TRMT11: variants seen among roughly 807,000 people sequenced by gnomAD.
TRMT11 encodes the protein tRNA methyltransferase 11, also known as tRNA (guanine(10)-N(2))-methyltransferase TRMT11.
TRMT11 carries 53 observed loss-of-function variants against 62.8 expected under a neutral mutation model. That is an observed-to-expected ratio of 0.84 (90% CI 0.68 to 1.06). The LOEUF (loss-of-function observed/expected upper bound fraction) is 1.06, where lower values mean the gene tolerates loss of function less well. TRMT11 is among the 50% of genes least tolerant of loss of function. The pLI is 0.00. For missense variants in TRMT11, 556 were observed against 553.4 expected (o/e 1.00, Z -0.05); for synonymous variants, 188 against 190.3 (o/e 0.99, Z 0.10).
chr6:126,267,755 G>GTGC, the TRMT11 span, among the ~76,000 whole-genome samples: 1 of 152,120 alleles, frequency 6.6e-6, no homozygotes, highest in Non-Finnish European at 1.5e-5. Context: ...ATATTTCAAG[G>GTGC]TGCTTTGCTA....
chr6:126,069,361 C>T (rs1323544780), intron 17 of TRMT11, among the ~76,000 whole-genome samples: 1 of 152,214 alleles, frequency 6.6e-6, no homozygotes, highest in Non-Finnish European at 1.5e-5. Context: ...ATTGACTGTG[C>T]CCTGCATTAT....
intron 17 of TRMT11, among the ~76,000 whole-genome samples, chr6:126,101,473 G>C (rs980608761): frequency 1.3e-5 from 2 of 152,146 alleles, no homozygotes; most frequent in African/African-American, 2.4e-5. Context: ...TTTTATAGAT[G>C]ATGAAACCAA....
intron 12 of TRMT11, among the ~76,000 whole-genome samples, chr6:126,034,554 G>A (rs545557995): frequency 1.7e-4 from 26 of 152,078 alleles, no homozygotes; most frequent in South Asian, 6.2e-4. Context: ...TATTCATATC[G>A]TCTTAATTAC....
At chr6:126,270,686 G>T in the TRMT11 span, among the ~76,000 whole-genome samples, 1 of 152,210 alleles carries the variant, frequency 6.6e-6, no homozygotes, top group African/African-American at 2.4e-5. Context: ...AATACATTTT[G>T]CAAAATGTTA....
intron 17 of TRMT11, among the ~76,000 whole-genome samples, chr6:126,104,105 A>T (rs1437381999): frequency 6.6e-6 from 1 of 152,240 alleles, no homozygotes; most frequent in Non-Finnish European, 1.5e-5. Flanking sequence ...ACTACTAAAT[A>T]ATCACCATCA....
chr6:126,236,710 G>A, the TRMT11 span, among the ~76,000 whole-genome samples: 1 of 151,922 alleles, frequency 6.6e-6, no homozygotes, highest in Non-Finnish European at 1.5e-5. Context: ...CCATTAATTT[G>A]GGATTTCCTC....
At chr6:125,993,307 T>G (rs1309985852) in intron 1 of TRMT11, among the ~76,000 whole-genome samples, 1 of 152,236 alleles carries the variant, frequency 6.6e-6, no homozygotes, top group East Asian at 1.9e-4. Flanking sequence ...CTGTTTCTAG[T>G]TCTGTAACTT....
chr6:126,052,566 A>G (rs1206853385), intron 16 of TRMT11, among the ~76,000 whole-genome samples: 2 of 152,108 alleles, frequency 1.3e-5, no homozygotes, highest in African/African-American at 2.4e-5. Context: ...CCCTTTTTAT[A>G]TATCCTTATG....
chr6:126,149,005 G>A (rs554874073), intron 21 of TRMT11, among the ~76,000 whole-genome samples: 1 of 152,170 alleles, frequency 6.6e-6, no homozygotes, highest in South Asian at 2.1e-4. Context: ...TGAGCTGCTG[G>A]GTGTGGCTGT....
intron 17 of TRMT11, among the ~76,000 whole-genome samples, chr6:126,093,631 A>ATTTTTTTTTTTTTTTTTTTTT (rs145963759): frequency 5.1e-5 from 5 of 98,010 alleles, no homozygotes; most frequent in African/African-American, 2.2e-4. Flanking sequence ...ATATATATAT[A>ATTTTTTTTTTTTTTTTTTTTT]TTTTCCCCCA....
intron 1 of TRMT11, among the ~76,000 whole-genome samples, chr6:125,991,276 T>C (rs1302910033): frequency 2.0e-5 from 3 of 151,636 alleles, no homozygotes; most frequent in African/African-American, 7.3e-5. Flanking sequence ...TTTTGGAGAC[T>C]GTTCTCTCTC....
chr6:126,103,458 C>A (rs1253954288), intron 17 of TRMT11, among the ~76,000 whole-genome samples: 1 of 152,176 alleles, frequency 6.6e-6, no homozygotes, highest in Non-Finnish European at 1.5e-5. Context: ...TCTGTAATTA[C>A]AATTCTGTAG....
At chr6:126,141,875 C>G (rs1026301247) in intron 21 of TRMT11, among the ~76,000 whole-genome samples, 1 of 152,046 alleles carries the variant, frequency 6.6e-6, no homozygotes, top group Non-Finnish European at 1.5e-5. Flanking sequence ...TATTTCAAGA[C>G]TTTGTCTCAA....
intron 17 of TRMT11, among the ~76,000 whole-genome samples, chr6:126,070,945 A>T (rs1232226284): frequency 2.0e-5 from 3 of 152,212 alleles, no homozygotes; most frequent in African/African-American, 4.8e-5. Flanking sequence ...TGTGCCTGGC[A>T]GGCCACAGTG....
intron 7 of TRMT11, among the ~76,000 whole-genome samples, chr6:126,001,373 T>A (rs1792452380): frequency 1.3e-5 from 2 of 152,046 alleles, no homozygotes; most frequent in Non-Finnish European, 2.9e-5. Flanking sequence ...TTCCCTTTAT[T>A]TTTTATCTAA....
chr6:126,116,447 T>A (rs942650949), intron 21 of TRMT11, among the ~76,000 whole-genome samples: 1 of 152,106 alleles, frequency 6.6e-6, no homozygotes, highest in African/African-American at 2.4e-5. Context: ...TTATTAATAA[T>A]ACAAATCTTC....
chr6:126,045,041 C>T (rs780753150), intron 16 of TRMT11, among the ~76,000 whole-genome samples: 5 of 151,930 alleles, frequency 3.3e-5, no homozygotes, highest in Non-Finnish European at 4.4e-5. Flanking sequence ...CAAAAATTAC[C>T]CAGGCATGGT....
At chr6:126,202,929 A>C (rs1396258147), downstream of TRMT11, among the ~76,000 whole-genome samples, 2 of 152,258 alleles carry the variant, frequency 1.3e-5, no homozygotes, top group African/African-American at 4.8e-5. Context: ...TTTTATATGA[A>C]GTGTAAGGAA....
chr6:126,230,511 T>A, the TRMT11 span, among the ~76,000 whole-genome samples: 1 of 152,336 alleles, frequency 6.6e-6, no homozygotes, highest in East Asian at 1.9e-4. Context: ...CTTTGTAAGG[T>A]GATGCTTATT....
Sources: gnomAD v4.1 joint callset for allele counts (sites outside exome capture counted in the v4.1 genomes callset) on GRCh38, gnomAD v4.1.1 for gene constraint, MANE v1.5 for transcripts, NCBI Gene and HGNC (gene_info 2026-07-23, HGNC 2026-07-21) for gene names.